Variants in FAM3D observed in about 807,000 individuals in gnomAD.
FAM3D encodes the protein protein FAM3D.
In FAM3D, 26 loss-of-function variants were observed where a neutral mutation model predicts 29.8. The ratio of observed to expected loss-of-function variants is 0.87; its 90% CI spans 0.64 to 1.21. FAM3D has a LOEUF of 1.21. Ranked by LOEUF, FAM3D falls within the 50% of genes most tolerant of loss-of-function variation. The pLI, the probability that FAM3D is intolerant of heterozygous loss-of-function variation, is 0.00. For missense variants in FAM3D, 253 were observed against 290.9 expected (o/e 0.87, Z 0.95); for synonymous variants, 115 against 102.3 (o/e 1.12, Z -0.75).
chr3:58,663,555 T>C (rs2066972705), intron 1 of FAM3D, among the ~76,000 whole-genome samples: 1 of 152,142 alleles, frequency 6.6e-6, no homozygotes, highest in South Asian at 2.1e-4. Flanking sequence ...CAAACTACAG[T>C]TACATCTGCA....
At chr3:58,638,033 C>G (rs928808190) in intron 7 of FAM3D, among the ~76,000 whole-genome samples, 1 of 152,168 alleles carries the variant, frequency 6.6e-6, no homozygotes, top group African/African-American at 2.4e-5. Flanking sequence ...TACAGGCATG[C>G]GCCGCCATGC....
chr3:58,634,287 G>A lies in FAM3D; in HGVS notation c.667C>T (p.Pro223Ser), dbSNP rs560151639. The A allele has an allele frequency of 1.2e-6, 2 of 1,613,936 alleles. No individual in the cohort carries two copies. Among genetic ancestry groups the A allele is most frequent in the African/African-American group, 1.3e-5 (1 of 75,050 alleles). ...LEMEGCMPPK[P>S]F ...GAAGAGCCACAGCCACCCTAAAATG[G>A]CTTCGGGGGCATGCAGCCCTCCATC... Residue 223 changes from proline (P) to serine (S), a missense_variant, in exon 10 of 10, where the codon CCA becomes TCA. Pro to Ser is a moderately conservative substitution (Grantham distance 74). Coordinates refer to ENST00000358781, the MANE Select transcript of FAM3D (RefSeq NM_138805.3). This position sits in a 1 kb window ranked among gnomAD's most constrained non-coding sequence, Gnocchi z 4.6.
In FAM3D at chr3:58,635,431, C is replaced by T. The variant is rs1219104868; in HGVS notation, c.585+863G>A. ...GGGTGCTTGGTTCATTTTTGTGTGT[C>T]GGTCCCGGCCAGCTGGTTGCAGATG... On this transcript the variant is annotated intron_variant, in intron 9 of 9. Coordinates refer to ENST00000358781, the MANE Select transcript of FAM3D (RefSeq NM_138805.3). This position sits in a 1 kb window ranked among gnomAD's most constrained non-coding sequence, Gnocchi z 5.2. Among the ~76,000 whole-genome samples, 4 of 152,290 alleles carry T rather than the reference C, an allele frequency of 2.6e-5. No homozygotes were observed. Among genetic ancestry groups the T allele is most frequent in the South Asian group, 4.1e-4 (2 of 4,824 alleles).
chr3:58,658,156 C>T (rs941623275), intron 1 of FAM3D, among the ~76,000 whole-genome samples: 4 of 152,170 alleles, frequency 2.6e-5, no homozygotes, highest in African/African-American at 9.7e-5. Flanking sequence ...CCATAGCTCC[C>T]TTCTCATTTC....
intron 1 of FAM3D, among the ~76,000 whole-genome samples, chr3:58,665,585 G>A (rs990604094): frequency 6.6e-6 from 1 of 152,190 alleles, no homozygotes; most frequent in African/African-American, 2.4e-5. Context: ...CTCACTGGAT[G>A]AATCATCTAG....
chr3:58,633,973 T>C lies in FAM3D; in HGVS notation c.*306A>G, dbSNP rs528750756. The C allele has an allele frequency of 1.8e-4, 62 of 339,286 alleles. No homozygotes were observed. Among genetic ancestry groups the C allele is most frequent in the South Asian group, 1.4e-3 (23 of 16,982 alleles). 21.0% of individuals were successfully genotyped at this position (339,286 alleles called of 1,614,324 possible). A position where few individuals can be genotyped will look rare whatever the true frequency, so the allele number is the denominator to read the frequency against. The stretch of plus-strand genomic sequence containing the variant: ...CAAAACCAGCAAAAATAAAATTTAA[T>C]TGGGCTCAAGTCTGGGCAGTTTGTC... On this transcript the variant is annotated 3_prime_UTR_variant, in exon 10 of 10. Coordinates refer to ENST00000358781, the MANE Select transcript of FAM3D (RefSeq NM_138805.3).
chr3:58,640,538 T>G (rs904075602), intron 6 of FAM3D, among the ~76,000 whole-genome samples: 7 of 152,190 alleles, frequency 4.6e-5, no homozygotes, highest in African/African-American at 2.4e-5. Context: ...TTAATAGTAG[T>G]CATACAAGAT....
chr3:58,658,894 G>A (rs1016996162), intron 1 of FAM3D, among the ~76,000 whole-genome samples: 4 of 152,190 alleles, frequency 2.6e-5, no homozygotes, highest in African/African-American at 9.6e-5. Flanking sequence ...TCCTGTGGTA[G>A]ACGTGTCCTG....
chr3:58,656,208 C>T (rs1348503), intron 1 of FAM3D, among the ~76,000 whole-genome samples: 36,302 of 152,146 alleles, frequency 0.24, 4,598 homozygotes, highest in East Asian at 0.37. Flanking sequence ...TCACAACTCA[C>T]GTATTGCAGG....
At chr3:58,661,329 T>A (rs2066925030) in intron 1 of FAM3D, among the ~76,000 whole-genome samples, 1 of 152,140 alleles carries the variant, frequency 6.6e-6, no homozygotes, top group Non-Finnish European at 1.5e-5. Flanking sequence ...AGTGAGTTTC[T>A]AAGATTCTGT....
intron 8 of FAM3D, 47 bp downstream of exon 8, chr3:58,637,094 T>G (rs2066192752): frequency 6.6e-7 from 1 of 1,519,682 alleles, no homozygotes; most frequent in African/African-American, 1.4e-5. Flanking sequence ...TTGAAGGTAT[T>G]CAGTTTGCAT....
At chr3:58,658,667 C>A (rs2066871380) in intron 1 of FAM3D, among the ~76,000 whole-genome samples, 1 of 152,182 alleles carries the variant, frequency 6.6e-6, no homozygotes, top group Non-Finnish European at 1.5e-5. Context: ...TGGCACCCGC[C>A]CTGTCATAAG....
intron 1 of FAM3D, among the ~76,000 whole-genome samples, chr3:58,666,037 A>G (rs1219933860): frequency 6.6e-6 from 1 of 152,200 alleles, no homozygotes; most frequent in East Asian, 1.9e-4. Flanking sequence ...AACTTTTCAG[A>G]TCATTACCTT....
chr3:58,659,985 A>G (rs1439117474), intron 1 of FAM3D, among the ~76,000 whole-genome samples: 1 of 152,306 alleles, frequency 6.6e-6, no homozygotes, highest in Non-Finnish European at 1.5e-5. Context: ...CTTCCTCTTC[A>G]GGCTCCTTTC....
intron 1 of FAM3D, chr3:58,657,598 G>C (rs1301424110): frequency 6.6e-6 from 1 of 152,498 alleles, no homozygotes; most frequent in Non-Finnish European, 1.5e-5. Flanking sequence ...GGGGTGGAGA[G>C]GGGCAGGGGC....
At position 58,635,089 on chromosome 3, in the gene FAM3D, C is replaced by T. The variant is rs867344447; in HGVS notation, c.586-721G>A. 6.6e-6 allele frequency among the ~76,000 whole-genome samples: 1 copy of T among 152,036 alleles called. No homozygotes were observed. The highest frequency in any genetic ancestry group is 1.5e-5 in the Non-Finnish European group (1 of 67,998). On this transcript the variant is annotated intron_variant, in intron 9 of 9. Coordinates refer to ENST00000358781, the MANE Select transcript of FAM3D (RefSeq NM_138805.3). The surrounding 1 kb of genome is among the most constrained non-coding windows in gnomAD (Gnocchi z 5.2). The stretch of plus-strand genomic sequence containing the variant: ...ACTCAGGAGGCAGAGGCGGGAGGAT[C>T]GCTTGAGCCCAGGAGGTCGAGGCTG...
rs760455029 is a variant in FAM3D, at chr3:58,634,812, G to A, written c.586-444C>T. On this transcript the variant is annotated intron_variant, in intron 9 of 9. Coordinates refer to ENST00000358781, the MANE Select transcript of FAM3D (RefSeq NM_138805.3). The surrounding 1 kb of genome is among the most constrained non-coding windows in gnomAD (Gnocchi z 4.6). ...CCCATTCTACAGATGGGGAAGCTGA[G>A]GCACAGAGGGTCACTGCCCGTAGTC... Among the ~76,000 whole-genome samples the A allele has an allele frequency of 3.3e-5, 5 of 152,258 alleles. No homozygotes were observed. In the South Asian group the frequency reaches 1.0e-3, roughly 32 times the overall value.
At chr3:58,644,307 G>C (rs2066417962) in intron 5 of FAM3D, among the ~76,000 whole-genome samples, 1 of 152,210 alleles carries the variant, frequency 6.6e-6, no homozygotes. Flanking sequence ...TGTTGTGGGA[G>C]GGACCCAGTG....
chr3:58,638,309 A>G (rs928740819), intron 7 of FAM3D, among the ~76,000 whole-genome samples: 1 of 152,222 alleles, frequency 6.6e-6, no homozygotes, highest in Non-Finnish European at 1.5e-5. Context: ...AAGTGATCCA[A>G]TTTAAAGAAA....
Sources: allele counts gnomAD v4.1 joint callset (sites outside exome capture counted in the v4.1 genomes callset), GRCh38; gene constraint gnomAD v4.1.1; non-coding constraint Gnocchi (gnomAD v3.1); transcripts MANE v1.5; gene names NCBI Gene and HGNC (gene_info 2026-07-23, HGNC 2026-07-21).